Variants in ATP9B observed in about 807,000 individuals in gnomAD.
ATP9B encodes the protein probable phospholipid-transporting ATPase IIB.
Under a neutral mutation model 146.1 loss-of-function variants are expected in ATP9B, and 110 were observed. That is an observed-to-expected ratio of 0.75 (90% CI 0.65 to 0.88). The LOEUF is 0.88. ATP9B is among the 40% of genes least tolerant of loss of function. The pLI is 0.00. For synonymous variants in ATP9B, 604 were observed against 569.7 expected, an observed-to-expected ratio of 1.06 and a Z score of -0.86; for missense variants, 1,499 against 1,496.4, an observed-to-expected ratio of 1.00 and a Z score of -0.03.
intron 11 of ATP9B, among the ~76,000 whole-genome samples, chr18:79,237,187 T>A (rs1434483363): frequency 1.0e-5 from 1 of 98,560 alleles, no homozygotes; most frequent in East Asian, 3.2e-4. Context: ...GTGTACACAG[T>A]CCGTGCACGA....
intron 15 of ATP9B, among the ~76,000 whole-genome samples, chr18:79,311,167 A>C (rs1320778052): frequency 6.6e-6 from 1 of 152,154 alleles, no homozygotes; most frequent in South Asian, 2.1e-4. Context: ...AAAGAAAAGA[A>C]ATGCTGGGCT....
chr18:79,211,939 C>A lies in ATP9B; in HGVS notation c.1031-2023C>A, dbSNP rs1440083248. ...TTAAGTATTTCATTGAGTGAGAAAT[C>A]TTTGTGACATTTATATTTGTCACAT... On this transcript the variant is annotated intron_variant, in intron 10 of 29. Coordinates refer to ENST00000426216, the MANE Select transcript of ATP9B (RefSeq NM_198531.5). Among the ~76,000 whole-genome samples the A allele has an allele frequency of 2.6e-5, 4 of 152,164 alleles. No individual in the cohort carries two copies. The East Asian group carries it at 7.7e-4, about 29-fold the overall frequency.
At chr18:79,273,110 G>A (rs1259215245) in intron 12 of ATP9B, among the ~76,000 whole-genome samples, 1 of 152,254 alleles carries the variant, frequency 6.6e-6, no homozygotes, top group Non-Finnish European at 1.5e-5. Context: ...CTGAGGAAGA[G>A]TACATGTGCG....
At position 79,077,255 on chromosome 18, in the gene ATP9B, G is replaced by A. The variant is rs185849086; in HGVS notation, c.119+7726G>A. On this transcript the variant is annotated intron_variant, in intron 1 of 29. Transcript: ENST00000426216. ...ACCTTATTTAAATCTTCTGCTTATC[G>A]GGCCTGGTGGTGGTGGGAGTGGAAT... Among the ~76,000 whole-genome samples, 170 of 152,164 alleles carry A rather than the reference G, an allele frequency of 1.1e-3. 1 individual carries two copies. The highest frequency in any genetic ancestry group is 3.4e-3 in the Middle Eastern group (1 of 294).
At chr18:79,269,380 C>A (rs563460206) in intron 12 of ATP9B, among the ~76,000 whole-genome samples, 3 of 152,308 alleles carry the variant, frequency 2.0e-5, no homozygotes, top group African/African-American at 7.2e-5. Flanking sequence ...AGCTGTTAAA[C>A]TAAGGAATTT....
At chr18:79,253,688 C>G (rs2145095111) in intron 12 of ATP9B, 147 bp downstream of exon 12, 2 of 867,998 alleles carry the variant, frequency 2.3e-6, no homozygotes, top group Non-Finnish European at 3.3e-6. Flanking sequence ...AGGAATTCTT[C>G]TGTGGAAATG....
chr18:79,273,514 G>A (rs780741386), intron 12 of ATP9B, among the ~76,000 whole-genome samples: 1 of 152,152 alleles, frequency 6.6e-6, no homozygotes, highest in African/African-American at 2.4e-5. Context: ...CTTCTGTTTC[G>A]TTTTGCTCAG....
intron 1 of ATP9B, chr18:79,095,593 T>C (rs1196955365): frequency 6.6e-6 from 1 of 152,204 alleles, no homozygotes; most frequent in Non-Finnish European, 1.5e-5. Flanking sequence ...TTAGAGAATG[T>C]TAAAAAAGAT....
At chr18:79,354,542 C>G (rs1348506314) in intron 25 of ATP9B, 2 of 144,600 alleles carry the variant, frequency 1.4e-5, no homozygotes, top group African/African-American at 5.2e-5. Flanking sequence ...GTACTCCAGC[C>G]TGGGCCACAG....
intron 12 of ATP9B, among the ~76,000 whole-genome samples, chr18:79,268,745 G>A (rs1183147683): frequency 2.0e-5 from 3 of 152,112 alleles, no homozygotes; most frequent in African/African-American, 7.2e-5. Context: ...GTTTCGGTTC[G>A]TAATGTCTTC....
intron 2 of ATP9B, among the ~76,000 whole-genome samples, chr18:79,107,747 T>C (rs534025748): frequency 6.6e-6 from 1 of 152,226 alleles, no homozygotes; most frequent in Non-Finnish European, 1.5e-5. Context: ...TGTGGTGCCA[T>C]GCCTGGGCTG....
chr18:79,206,353 TAAA>T (rs1289601195), intron 9 of ATP9B, among the ~76,000 whole-genome samples: 1 of 152,208 alleles, frequency 6.6e-6, no homozygotes, highest in Non-Finnish European at 1.5e-5. Context: ...CATGCACACT[TAAA>T]AAGCATTGCC....
chr18:79,376,655 G>T (rs1208800557), intron 29 of ATP9B, among the ~76,000 whole-genome samples: 1 of 150,776 alleles, frequency 6.6e-6, no homozygotes, highest in Non-Finnish European at 1.5e-5. Context: ...CTCGCAAAGT[G>T]CTGGGATTAC....
rs1187605702 is a variant in ATP9B, at chr18:79,231,799, T to TAC, written c.1107+17762_1107+17763insCA. Among the ~76,000 whole-genome samples the TAC allele has an allele frequency of 7.4e-4, 73 of 98,046 alleles. 1 individual carries two copies. Among genetic ancestry groups the TAC allele is most frequent in the Non-Finnish European group, 1.1e-3 (53 of 46,358 alleles). 64.3% of individuals were successfully genotyped at this position (98,046 alleles called of 152,430 possible). A position where few individuals can be genotyped will look rare whatever the true frequency, so the allele number is the denominator to read the frequency against. ...GTGTGTATATATATATATATATATA[T>TAC]ATATACACACACACACCATGGAATA... On this transcript the variant is annotated intron_variant, in intron 11 of 29. Transcript: ENST00000426216.
intron 9 of ATP9B, among the ~76,000 whole-genome samples, chr18:79,201,873 T>TA (rs199794380): frequency 2.6e-5 from 4 of 151,952 alleles, no homozygotes; most frequent in African/African-American, 7.3e-5. Context: ...ATTTCTGATT[T>TA]AAAAAAATTT....
intron 13 of ATP9B, 102 bp from the exon 14 acceptor site, chr18:79,303,502 G>C: frequency 1.2e-6 from 1 of 832,254 alleles, no homozygotes; most frequent in Non-Finnish European, 2.0e-6. Flanking sequence ...CATCCCAGCT[G>C]CTTCAGCCCA....
intron 8 of ATP9B, among the ~76,000 whole-genome samples, chr18:79,186,480 C>T (rs1200306047): frequency 6.6e-6 from 1 of 151,912 alleles, no homozygotes; most frequent in African/African-American, 2.4e-5. Context: ...TAGAAATGAG[C>T]TTGCCAGCCT....
At chr18:79,353,640 G>A (rs1345934480) in intron 25 of ATP9B, 2 of 152,340 alleles carry the variant, frequency 1.3e-5, no homozygotes, top group South Asian at 2.1e-4. Flanking sequence ...CTCAACGGCA[G>A]CGAGGGAGGC....
rs560133139 is a variant in ATP9B, at chr18:79,336,229, G to A, written c.2029-399G>A. Reference sequence around the variant, plus strand: ...CCCAGCACCGCCATGTGCACCCTCCGTGTGTTCTTGCTACATGCAGGCTGC... The same window carrying A: ...CCCAGCACCGCCATGTGCACCCTCCATGTGTTCTTGCTACATGCAGGCTGC... On this transcript the variant is annotated intron_variant, in intron 17 of 29. Coordinates refer to ENST00000426216, the MANE Select transcript of ATP9B (RefSeq NM_198531.5). Among the ~76,000 whole-genome samples, 294 of 151,394 alleles carry A rather than the reference G, an allele frequency of 1.9e-3. 18 individuals carry two copies. The highest frequency in any genetic ancestry group is 2.7e-3 in the Non-Finnish European group (185 of 67,694).
Sources: allele counts gnomAD v4.1 joint callset (sites outside exome capture counted in the v4.1 genomes callset), GRCh38; gene constraint gnomAD v4.1.1; transcripts MANE v1.5; gene names NCBI Gene and HGNC (gene_info 2026-07-23, HGNC 2026-07-21).